FILIP1: variants seen among roughly 807,000 people sequenced by gnomAD.
The protein encoded by FILIP1 is filamin-A-interacting protein 1.
A neutral mutation model predicts 102.1 loss-of-function variants in FILIP1; 61 were observed. The ratio of observed to expected loss-of-function variants is 0.60; its 90% CI spans 0.49 to 0.74. The LOEUF (loss-of-function observed/expected upper bound fraction) is 0.74, where lower values mean the gene tolerates loss of function less well. Among genes scored for constraint, FILIP1 ranks in the 30% least tolerant of loss-of-function variants. FILIP1 has a pLI of 0.00. For synonymous variants in FILIP1, 491 were observed against 526.9 expected (o/e 0.93, Z 0.93); for missense variants, 1,314 against 1,441.2 (o/e 0.91, Z 1.43).
intron 1 of FILIP1, among the ~76,000 whole-genome samples, chr6:75,478,734 G>A (rs1157109584): frequency 1.3e-5 from 2 of 152,054 alleles, no homozygotes; most frequent in Admixed American, 6.5e-5. Context: ...AAACTTTCTG[G>A]GTCTCAGCTT....
At chr6:75,397,665 A>C (rs1776514390) in intron 2 of FILIP1, among the ~76,000 whole-genome samples, 1 of 151,804 alleles carries the variant, frequency 6.6e-6, no homozygotes, top group African/African-American at 2.4e-5. Flanking sequence ...AAAGTTCAAA[A>C]ACAGTAATGT....
intron 1 of FILIP1, among the ~76,000 whole-genome samples, chr6:75,491,222 G>A (rs1779946591): frequency 6.6e-6 from 1 of 152,100 alleles, no homozygotes; most frequent in Non-Finnish European, 1.5e-5. Context: ...CTTCCAGGCA[G>A]GGAGAATAAA....
intron 4 of FILIP1, among the ~76,000 whole-genome samples, chr6:75,352,641 A>T (rs1252908714): frequency 6.6e-6 from 1 of 152,096 alleles, no homozygotes; most frequent in East Asian, 1.9e-4. Flanking sequence ...AGGTAGTTCT[A>T]GTCATTAAGT....
chr6:75,441,066 G>A (rs1778198390), intron 1 of FILIP1, among the ~76,000 whole-genome samples: 2 of 151,596 alleles, frequency 1.3e-5, no homozygotes, highest in African/African-American at 2.4e-5. Flanking sequence ...AATAGTGGAG[G>A]GAAGGTCAGC....
chr6:75,412,702 T>C (rs1053360215), intron 2 of FILIP1, among the ~76,000 whole-genome samples: 14 of 152,220 alleles, frequency 9.2e-5, no homozygotes, highest in African/African-American at 3.4e-4. Context: ...AGCTTTCTCA[T>C]TTTAAACAAA....
intron 4 of FILIP1, among the ~76,000 whole-genome samples, chr6:75,350,210 C>G (rs1257257090): frequency 6.6e-6 from 1 of 151,580 alleles, no homozygotes; most frequent in African/African-American, 2.4e-5. Context: ...GACAGAAAAA[C>G]AAAAAAGATT....
intron 1 of FILIP1, among the ~76,000 whole-genome samples, chr6:75,444,774 T>A (rs1353342414): frequency 6.6e-6 from 1 of 152,186 alleles, no homozygotes; most frequent in Admixed American, 6.5e-5. Context: ...TAAACTAACT[T>A]ACACATACTG....
At chr6:75,413,244 A>C (rs965950802) in intron 2 of FILIP1, among the ~76,000 whole-genome samples, 1 of 152,158 alleles carries the variant, frequency 6.6e-6, no homozygotes, top group African/African-American at 2.4e-5. Context: ...AAGGTTTCTA[A>C]GGCAAAAATT....
downstream of FILIP1, among the ~76,000 whole-genome samples, chr6:75,305,289 A>G (rs1383107485): frequency 6.6e-6 from 1 of 152,210 alleles, no homozygotes; most frequent in African/African-American, 2.4e-5. Flanking sequence ...CCCAACAAGG[A>G]AAGTCTCACC....
intron 6 of FILIP1, chr6:75,296,475 T>TTTTTTTTTTATTATTATTA (rs565379089): frequency 1.4e-5 from 2 of 140,396 alleles, no homozygotes; most frequent in African/African-American, 5.3e-5. Flanking sequence ...ACTCTATATG[T>TTTTTTTTTTATTATTATTA]TTATTATTAT....
intron 2 of FILIP1, among the ~76,000 whole-genome samples, chr6:75,402,308 A>G (rs1776684892): frequency 6.6e-6 from 1 of 152,176 alleles, no homozygotes; most frequent in African/African-American, 2.4e-5. Context: ...CATCGTATTC[A>G]GCAAAGAATC....
intron 2 of FILIP1, among the ~76,000 whole-genome samples, chr6:75,365,589 G>C (rs1353838435): frequency 6.6e-6 from 1 of 152,162 alleles, no homozygotes; most frequent in Non-Finnish European, 1.5e-5. Flanking sequence ...GTTTCGCCAT[G>C]TTGGCCAGGC....
At chr6:75,332,976 A>C (rs1774129548) in intron 4 of FILIP1, among the ~76,000 whole-genome samples, 1 of 152,234 alleles carries the variant, frequency 6.6e-6, no homozygotes, top group South Asian at 2.1e-4. Flanking sequence ...ACAACATAAA[A>C]GTATTTTACT....
At position 75,315,192 on chromosome 6, in the gene FILIP1, G is replaced by A; in HGVS notation, c.640C>T (p.Leu214Phe). The change falls in exon 5 of 6, where the codon CTC becomes TTC. Residue 214 changes from leucine (L) to phenylalanine (F), a missense_variant. By Grantham distance (22) the Leu-to-Phe change is conservative. This residue lies in a region of FILIP1 where 494 missense variants were observed against 511.2 expected (regional missense o/e 0.97). Coordinates refer to ENST00000237172, the MANE Select transcript of FILIP1 (RefSeq NM_015687.5). ...TGATAAGCCTTTTCTTGTTCAAGGA[G>A]CTTTTTTAACCTAGAAAATAAAATA... ...LEQERERLKKLLEQEKAYQAR... is the reference protein window; with the variant it reads ...LEQERERLKKFLEQEKAYQAR... 6.5e-7 allele frequency: 1 copy of A among 1,539,270 alleles called. No individual in the cohort carries two copies. The highest frequency in any genetic ancestry group is 1.3e-5 in the South Asian group (1 of 78,112).
chr6:75,308,304 A>G lies in FILIP1; in HGVS notation c.*387T>C, dbSNP rs1400382284. The G allele has an allele frequency of 7.0e-6, 7 of 993,412 alleles. No individual in the cohort carries two copies. The highest frequency in any genetic ancestry group is 8.4e-6 in the Non-Finnish European group (7 of 833,948). The allele number at this position is 993,412 out of a possible 1,614,324, so 61.5% of individuals were successfully genotyped here. ...AATAGGATTTTTTTAATAAAAAATT[A>G]TTGTGGAACAAGGTACATTAAATTT... On this transcript the variant is annotated 3_prime_UTR_variant, in exon 6 of 6. Transcript: ENST00000237172.
intron 4 of FILIP1, among the ~76,000 whole-genome samples, chr6:75,348,060 T>TACACACACACACAC (rs1320631156): frequency 3.7e-5 from 2 of 54,700 alleles, no homozygotes; most frequent in African/African-American, 1.9e-4. Flanking sequence ...CCACATCAGT[T>TACACACACACACAC]ATACACACAC....
chr6:75,366,764 A>C (rs1242608949), intron 2 of FILIP1, among the ~76,000 whole-genome samples: 15 of 152,208 alleles, frequency 9.9e-5, no homozygotes, highest in African/African-American at 3.6e-4. Context: ...CCCTAACCAA[A>C]TATAACGTGT....
At chr6:75,361,478 TAAAC>T (rs974616268) in intron 3 of FILIP1, among the ~76,000 whole-genome samples, 3 of 152,208 alleles carry the variant, frequency 2.0e-5, no homozygotes, top group African/African-American at 7.2e-5. Context: ...ATTATCATAT[TAAAC>T]AAATACATGT....
intron 2 of FILIP1, among the ~76,000 whole-genome samples, chr6:75,387,519 C>G (rs189912444): frequency 6.9e-4 from 105 of 152,186 alleles, no homozygotes; most frequent in African/African-American, 2.0e-3. Context: ...AGTGTAAGAG[C>G]GTTCCTATTT....
Sources: gnomAD v4.1 joint callset for allele counts (sites outside exome capture counted in the v4.1 genomes callset) on GRCh38, gnomAD v4.1.1 for gene constraint, gnomAD v4.1.1 regional missense constraint, MANE v1.5 for transcripts, NCBI Gene and HGNC (gene_info 2026-07-23, HGNC 2026-07-21) for gene names.